OPCML: variants seen among roughly 807,000 people sequenced by gnomAD.
The protein encoded by OPCML is opioid-binding protein/cell adhesion molecule.
Under a neutral mutation model 37.8 loss-of-function variants are expected in OPCML, and 13 were observed. That is an observed-to-expected ratio of 0.34 (90% CI 0.22 to 0.55). The LOEUF is 0.55. Ranked by LOEUF, OPCML falls within the 20% of genes least tolerant of loss-of-function variation. OPCML has a pLI of 0.91. For missense variants in OPCML, 341 were observed against 435.6 expected (o/e 0.78, Z 1.93); for synonymous variants, 176 against 168.8 (o/e 1.04, Z -0.33).
At chr11:133,159,369 T>C (rs954743762) in intron 1 of OPCML, among the ~76,000 whole-genome samples, 3 of 152,088 alleles carry the variant, frequency 2.0e-5, no homozygotes, top group South Asian at 2.1e-4. Flanking sequence ...TGGCCCTAAA[T>C]GTTAGAGGCA....
chr11:133,007,617 T>C, intron 1 of OPCML: 1 of 985,476 alleles, frequency 1.0e-6, no homozygotes, highest in Non-Finnish European at 1.2e-6. Flanking sequence ...GGGATGCACA[T>C]GCTTATTTTT....
At chr11:132,827,878 G>A (rs547025277) in intron 2 of OPCML, among the ~76,000 whole-genome samples, 10 of 151,588 alleles carry the variant, frequency 6.6e-5, no homozygotes, top group Non-Finnish European at 4.4e-5. Context: ...TGATCTGCCC[G>A]CCTCGGCCTC....
chr11:132,611,292 G>A (rs2575889), intron 3 of OPCML, among the ~76,000 whole-genome samples: 28,166 of 152,032 alleles, frequency 0.19, 3,074 homozygotes, highest in East Asian at 0.45. Flanking sequence ...CTGTAGCTCC[G>A]CTGGTCTCTA....
intron 2 of OPCML, among the ~76,000 whole-genome samples, chr11:132,769,398 CACAAACAAG>C (rs1419526002): frequency 6.6e-6 from 1 of 151,968 alleles, no homozygotes; most frequent in African/African-American, 2.4e-5. Context: ...CAGACATCCC[CACAAACAAG>C]ACTTTGTGAC....
intron 4 of OPCML, among the ~76,000 whole-genome samples, chr11:132,513,402 ATACAGAT>A (rs1396927694): frequency 6.6e-6 from 1 of 152,158 alleles, no homozygotes; most frequent in Non-Finnish European, 1.5e-5. Flanking sequence ...GAAGATTTGA[ATACAGAT>A]TTTGCTTACA....
intron 2 of OPCML, among the ~76,000 whole-genome samples, chr11:132,876,609 A>C (rs80303459): frequency 0.02 from 3,059 of 152,234 alleles, 109 homozygotes; most frequent in African/African-American, 0.069. Context: ...AAGGAGTGTG[A>C]TTTTTCCTGG....
At chr11:132,568,558 G>A (rs1192943355) in intron 3 of OPCML, among the ~76,000 whole-genome samples, 1 of 152,202 alleles carries the variant, frequency 6.6e-6, no homozygotes, top group African/African-American at 2.4e-5. Flanking sequence ...AGAATGCCGA[G>A]TGATGACAGA....
chr11:132,895,441 G>A (rs1943802183), intron 2 of OPCML, among the ~76,000 whole-genome samples: 1 of 152,186 alleles, frequency 6.6e-6, no homozygotes, highest in Admixed American at 6.5e-5. Context: ...CTCCCATGTA[G>A]CCACAGGTCT....
chr11:133,042,738 C>T (rs950221583), intron 1 of OPCML, among the ~76,000 whole-genome samples: 4 of 152,146 alleles, frequency 2.6e-5, no homozygotes, highest in African/African-American at 7.2e-5. Context: ...CAAACGTTAT[C>T]GGAGGGTGCC....
At chr11:132,937,938 G>C (rs1347524495) in intron 2 of OPCML, among the ~76,000 whole-genome samples, 1 of 151,836 alleles carries the variant, frequency 6.6e-6, no homozygotes, top group East Asian at 2.0e-4. Context: ...ACTTTGCATA[G>C]TTTGGATCAG....
At chr11:133,221,871 G>A (rs541798736) in intron 1 of OPCML, among the ~76,000 whole-genome samples, 27 of 152,242 alleles carry the variant, frequency 1.8e-4, no homozygotes, top group East Asian at 5.8e-4. Flanking sequence ...AACAATTCTC[G>A]ATTATCAGAG....
At chr11:132,796,724 C>T (rs897652118) in intron 2 of OPCML, among the ~76,000 whole-genome samples, 6 of 151,910 alleles carry the variant, frequency 3.9e-5, no homozygotes, top group Non-Finnish European at 1.5e-5. Context: ...ACTACAGGCG[C>T]CAGCCGCCAC....
At chr11:133,027,414 C>A (rs1294861809) in intron 1 of OPCML, among the ~76,000 whole-genome samples, 1 of 151,690 alleles carries the variant, frequency 6.6e-6, no homozygotes, top group Non-Finnish European at 1.5e-5. Context: ...CTAGTTAAAG[C>A]AAAAATAAAG....
intron 2 of OPCML, among the ~76,000 whole-genome samples, chr11:132,857,730 C>T (rs896698718): frequency 6.6e-6 from 1 of 152,102 alleles, no homozygotes; most frequent in African/African-American, 2.4e-5. Flanking sequence ...ATAAAAATTA[C>T]TTATGCTAAC....
chr11:132,687,277 G>A (rs1292671024), intron 2 of OPCML, among the ~76,000 whole-genome samples: 1 of 148,020 alleles, frequency 6.8e-6, no homozygotes, highest in Non-Finnish European at 1.5e-5. Flanking sequence ...TGAATATGTT[G>A]ATATATTCTG....
intron 1 of OPCML, among the ~76,000 whole-genome samples, chr11:133,438,407 A>G (rs941641936): frequency 5.3e-5 from 8 of 152,196 alleles, no homozygotes; most frequent in Non-Finnish European, 1.0e-4. Flanking sequence ...AAACAAACAA[A>G]CAAGCAAACA....
intron 1 of OPCML, among the ~76,000 whole-genome samples, chr11:133,194,353 A>G (rs919531791): frequency 3.3e-5 from 5 of 151,738 alleles, no homozygotes; most frequent in Non-Finnish European, 7.4e-5. Flanking sequence ...TGGGATTACA[A>G]GCATGCACCA....
At position 133,177,505 on chromosome 11, in the gene OPCML, TG is replaced by T. The variant is rs1408081474; in HGVS notation, c.62-234496del. Among the ~76,000 whole-genome samples the T allele has an allele frequency of 1.3e-5, 2 of 152,188 alleles. No individual in the cohort carries two copies. Among genetic ancestry groups the T allele is most frequent in the Non-Finnish European group, 2.9e-5 (2 of 68,024 alleles). Reference sequence around the variant, plus strand: ...ATAAACAAATCAAAATCCTGCTTCCTGATGGACAGGAAAGACTGCACCAGAC... The same window carrying T: ...ATAAACAAATCAAAATCCTGCTTCCTATGGACAGGAAAGACTGCACCAGAC... On this transcript the variant is annotated intron_variant, in intron 1 of 7. Coordinates refer to ENST00000524381, the MANE Select transcript of OPCML (RefSeq NM_001012393.5). This position sits in a 1 kb window ranked among gnomAD's most constrained non-coding sequence, Gnocchi z 5.0.
Position 132,622,817 on chromosome 11 carries a change from T to C in OPCML, c.379+34270A>G, listed in dbSNP as rs1939501240. ...TGATCCTGGTTGCAAGCATTTATCA[T>C]ATTGCACTAGTATTGGGGAAGCATC... On this transcript the variant is annotated intron_variant, in intron 3 of 7. Coordinates refer to ENST00000524381, the MANE Select transcript of OPCML (RefSeq NM_001012393.5). Among the ~76,000 whole-genome samples, 4 of 152,220 alleles carry C rather than the reference T, an allele frequency of 2.6e-5. No homozygotes were observed. In the South Asian group the frequency reaches 8.3e-4, roughly 32 times the overall value.
Sources: allele counts gnomAD v4.1 joint callset (sites outside exome capture counted in the v4.1 genomes callset), GRCh38; gene constraint gnomAD v4.1.1; non-coding constraint Gnocchi (gnomAD v3.1); transcripts MANE v1.5; gene names NCBI Gene and HGNC (gene_info 2026-07-23, HGNC 2026-07-21).